CLSPN: variants seen among roughly 807,000 people sequenced by gnomAD.
CLSPN encodes claspin.
Under a neutral mutation model 156.3 loss-of-function variants are expected in CLSPN, and 85 were observed. The observed-to-expected ratio is 0.54, with a 90% confidence interval of 0.46 to 0.65. The LOEUF (loss-of-function observed/expected upper bound fraction) is 0.65, where lower values mean the gene tolerates loss of function less well. Among genes scored for constraint, CLSPN ranks in the 30% least tolerant of loss-of-function variants. CLSPN has a pLI of 0.00. For synonymous variants in CLSPN, 534 were observed against 542.4 expected (o/e 0.98, Z 0.22); for missense variants, 1,407 against 1,554.9 (o/e 0.90, Z 1.60).
chr1:35,738,365 A>C (rs1207105885), intron 21 of CLSPN, 90 bp downstream of exon 21: 2 of 1,387,748 alleles, frequency 1.4e-6, no homozygotes, highest in Admixed American at 2.0e-5. Flanking sequence ...TAAGATTTTG[A>C]AACTATCATG....
chr1:35,720,493 A>G (rs1641049373), exon 25 of CLSPN: 1 of 124,644 alleles, frequency 8.0e-6, no homozygotes. Context: ...TCTGTCGCCT[A>G]GGCTGGAGTG....
chr1:35,730,567 T>TAAA (rs56320150), downstream of CLSPN, among the ~76,000 whole-genome samples: 12 of 61,994 alleles, frequency 1.9e-4, no homozygotes, highest in Non-Finnish European at 2.7e-4. Flanking sequence ...GAATCCATAT[T>TAAA]AAAAAAAAAA....
At chr1:35,727,261 A>C (rs934787309), downstream of CLSPN, among the ~76,000 whole-genome samples, 4 of 152,210 alleles carry the variant, frequency 2.6e-5, no homozygotes, top group South Asian at 8.3e-4. Context: ...CCAGAGGAAG[A>C]GGCTGATCTA....
rs201350754 is a variant in CLSPN at position 35,748,820 on chromosome 1, CTTTTTTTTTT to C, written c.2273-226_2273-217del. 1,279 of 293,000 alleles carry C rather than the reference CTTTTTTTTTT, an allele frequency of 4.4e-3. No homozygotes were observed. In the East Asian group the frequency reaches 0.046, roughly 10 times the overall value. The allele number at this position is 293,000 out of a possible 1,614,324, so 18.2% of individuals were successfully genotyped here. ...CTGAGCTAAGTGACACTTGAAAGTT[CTTTTTTTTTT>C]TTTTTTTTTTTTTTTGAGACAGTCT... On this transcript the variant is annotated intron_variant, in intron 12 of 24. Coordinates refer to ENST00000318121, the MANE Select transcript of CLSPN (RefSeq NM_022111.4).
chr1:35,755,922 C>G (rs1331035356), intron 8 of CLSPN, among the ~76,000 whole-genome samples: 1 of 152,130 alleles, frequency 6.6e-6, no homozygotes, highest in Non-Finnish European at 1.5e-5. Flanking sequence ...CCAAGCTGGT[C>G]TCAAACACCT....
intron 8 of CLSPN, among the ~76,000 whole-genome samples, chr1:35,755,840 C>CT (rs1412378071): frequency 6.6e-6 from 1 of 152,194 alleles, no homozygotes; most frequent in Admixed American, 6.5e-5. Context: ...TCCCAAGTAG[C>CT]TAGGACTACA....
downstream of CLSPN, among the ~76,000 whole-genome samples, chr1:35,729,855 C>T (rs1641274242): frequency 6.6e-6 from 1 of 152,184 alleles, no homozygotes; most frequent in Admixed American, 6.5e-5. Flanking sequence ...ACCTTTGATC[C>T]TAACCATACC....
chr1:35,767,964 G>A (rs961312040), intron 1 of CLSPN, among the ~76,000 whole-genome samples: 8 of 152,174 alleles, frequency 5.3e-5, no homozygotes, highest in African/African-American at 1.4e-4. Flanking sequence ...TAGATGCCAA[G>A]TCTACCTCCT....
chr1:35,747,044 C>T (rs747268741), intron 14 of CLSPN, 52 bp from the exon 15 acceptor site: 12 of 1,420,176 alleles, frequency 8.4e-6, no homozygotes, highest in Middle Eastern at 1.8e-4. Context: ...CAGAGAGGGC[C>T]GGGTGCGGTA....
At chr1:35,725,642 A>T (rs1035324213) in intron 24 of CLSPN, among the ~76,000 whole-genome samples, 3 of 152,126 alleles carry the variant, frequency 2.0e-5, no homozygotes, top group African/African-American at 7.2e-5. Flanking sequence ...CCCCACATGT[A>T]ACCACTTAAC....
intron 23 of CLSPN, 67 bp downstream of exon 23, chr1:35,737,272 C>A: frequency 7.0e-7 from 1 of 1,430,286 alleles, no homozygotes; most frequent in East Asian, 2.3e-5. Flanking sequence ...AGACTATTCT[C>A]TAAGCTGGAC....
chr1:35,769,737 G>T, intron 1 of CLSPN, 110 bp downstream of exon 1: 1 of 1,062,418 alleles, frequency 9.4e-7, no homozygotes, highest in Non-Finnish European at 1.3e-6. Context: ...GCCGGGAGCC[G>T]CAGTCCTCCC....
At chr1:35,732,069 A>T, downstream of CLSPN, 1 of 823,948 alleles carries the variant, frequency 1.2e-6, no homozygotes, top group Non-Finnish European at 1.5e-6. Context: ...AGCAACTCTG[A>T]GACAGCCATG....
intron 16 of CLSPN, among the ~76,000 whole-genome samples, chr1:35,745,058 C>A (rs1306666418): frequency 6.6e-6 from 1 of 152,110 alleles, no homozygotes; most frequent in Non-Finnish European, 1.5e-5. Context: ...GATGATCCAC[C>A]GTGCCTGGCC....
chr1:35,747,628 G>C (rs1442524433), intron 14 of CLSPN, among the ~76,000 whole-genome samples: 1 of 152,178 alleles, frequency 6.6e-6, no homozygotes, highest in Non-Finnish European at 1.5e-5. Context: ...TAATAACATA[G>C]CAGGATGGAT....
chr1:35,725,328 C>T (rs1165426274), intron 24 of CLSPN, among the ~76,000 whole-genome samples: 1 of 152,158 alleles, frequency 6.6e-6, no homozygotes, highest in Non-Finnish European at 1.5e-5. Context: ...CTCTCCAGTG[C>T]ACTCAAGCGG....
intron 1 of CLSPN, among the ~76,000 whole-genome samples, chr1:35,769,566 C>A (rs1571228998): frequency 6.6e-6 from 1 of 152,222 alleles, no homozygotes; most frequent in Non-Finnish European, 1.5e-5. Context: ...GCGGCAGGAA[C>A]CGGCTGAAGA....
intron 1 of CLSPN, among the ~76,000 whole-genome samples, chr1:35,766,915 C>T (rs553049652): frequency 2.0e-5 from 3 of 150,784 alleles, no homozygotes; most frequent in East Asian, 2.0e-4. Flanking sequence ...CCACCATGCC[C>T]GGCTAATTTT....
chr1:35,760,845 T>C lies in CLSPN; in HGVS notation c.1076A>G (p.Asp359Gly). The change falls in exon 8 of 25, where the codon GAT becomes GGT. Residue 359 changes from aspartate (D) to glycine (G), a missense_variant. By Grantham distance (94) the Asp-to-Gly change is moderately conservative. This residue lies in a region of CLSPN where 1,096 missense variants were observed against 1,193.0 expected (regional missense o/e 0.92). Coordinates refer to ENST00000318121, the MANE Select transcript of CLSPN (RefSeq NM_022111.4). Reference sequence around the variant, plus strand: ...CTGCTCAGAACCTTTACTATGGTGATCACTGTTCATTTCAGTAGTATTTGC... The same window carrying C: ...CTGCTCAGAACCTTTACTATGGTGACCACTGTTCATTTCAGTAGTATTTGC... ...DTANTTEMNS[D>G]HHSKGSEQTT... 1.2e-6 allele frequency: 2 copies of C among 1,614,016 alleles called. No homozygotes were observed. The highest frequency in any genetic ancestry group is 2.7e-5 in the African/African-American group (2 of 75,048).
Sources: allele counts gnomAD v4.1 joint callset (sites outside exome capture counted in the v4.1 genomes callset), GRCh38; gene constraint gnomAD v4.1.1; regional missense constraint gnomAD v4.1.1; transcripts MANE v1.5; gene names NCBI Gene and HGNC (gene_info 2026-07-23, HGNC 2026-07-21).